MTM1: variants seen among roughly 807,000 people sequenced by gnomAD.
MTM1 encodes the protein myotubularin 1, also known as myotubularin.
A neutral mutation model predicts 52.1 loss-of-function variants in MTM1; 9 were observed. The ratio of observed to expected loss-of-function variants is 0.17; its 90% CI spans 0.10 to 0.30. The LOEUF (loss-of-function observed/expected upper bound fraction) is 0.30. Among genes scored for constraint, MTM1 ranks in the 10% least tolerant of loss-of-function variants. The pLI is 1.00. For missense variants in MTM1, 277 were observed against 470.7 expected, an observed-to-expected ratio of 0.59 and a Z score of 3.81; for synonymous variants, 136 against 163.8, an observed-to-expected ratio of 0.83 and a Z score of 1.29.
chrX:150,633,219 A>G (rs1557413624), intron 6 of MTM1, among the ~76,000 whole-genome samples: 2 of 112,498 alleles, frequency 1.8e-5, no homozygotes, highest in East Asian at 2.8e-4. Flanking sequence ...TATGAAGACA[A>G]TGATGACACA....
chrX:150,566,376 G>A (rs940701565), upstream of MTM1, among the ~76,000 whole-genome samples: 2 of 111,456 alleles, frequency 1.8e-5, no homozygotes, highest in African/African-American at 6.5e-5. Context: ...GACCTCAAGT[G>A]ATCCGCCCGC....
At chrX:150,566,738 G>A (rs781935426), upstream of MTM1, among the ~76,000 whole-genome samples, 1 of 110,727 alleles carries the variant, frequency 9.0e-6, no homozygotes, top group Admixed American at 9.7e-5. Context: ...AAAAGCTTTG[G>A]CCTCATCTTG....
intron 5 of MTM1, among the ~76,000 whole-genome samples, chrX:150,617,561 A>G (rs1385149995): frequency 8.9e-6 from 1 of 112,204 alleles, no homozygotes; most frequent in Non-Finnish European, 1.9e-5. Flanking sequence ...GGCCTAGTAG[A>G]TGTCATCTGT....
intron 6 of MTM1, among the ~76,000 whole-genome samples, chrX:150,620,067 G>A (rs1398130723): frequency 3.6e-5 from 4 of 111,845 alleles, no homozygotes; most frequent in African/African-American, 1.3e-4. Context: ...CTATATTAGA[G>A]TTTTTAATTC....
chrX:150,639,225 A>G (rs1256634053), intron 7 of MTM1, among the ~76,000 whole-genome samples, 199 bp downstream of exon 7: 2 of 112,505 alleles, frequency 1.8e-5, no homozygotes, highest in East Asian at 5.6e-4. Context: ...TTCCATTGCC[A>G]TATGCAAGCT....
chrX:150,621,721 A>G (rs1408061095), intron 6 of MTM1, among the ~76,000 whole-genome samples: 3 of 111,445 alleles, frequency 2.7e-5, no homozygotes, highest in African/African-American at 6.5e-5. Flanking sequence ...TCCAGGCCAT[A>G]TGTGTGTGCC....
At chrX:150,599,763 A>G (rs782625631) in intron 4 of MTM1, among the ~76,000 whole-genome samples, 1 of 111,919 alleles carries the variant, frequency 8.9e-6, no homozygotes, top group African/African-American at 3.2e-5. Context: ...GGACATGTAC[A>G]TGGATCAGGC....
At chrX:150,658,173 G>C in intron 11 of MTM1, 146 bp downstream of exon 11, 4 of 497,645 alleles carry the variant, frequency 8.0e-6, no homozygotes, top group Non-Finnish European at 1.4e-5. Flanking sequence ...TGATGCCTTG[G>C]GTAGTGAAAG....
chrX:150,614,324 C>T lies in MTM1; in HGVS notation c.232-265C>T, dbSNP rs782304591. On this transcript the variant is annotated intron_variant, in intron 4 of 14. Coordinates refer to ENST00000370396, the MANE Select transcript of MTM1 (RefSeq NM_000252.3). ...AACAGGCTGGAAGTGATATCACGGA[C>T]GTCCTGGAAATGTGTACCTAGGAGT... 4.5e-5 allele frequency among the ~76,000 whole-genome samples: 5 copies of T among 111,979 alleles called. No homozygotes were observed. In the South Asian group the frequency reaches 1.1e-3, roughly 25 times the overall value.
chrX:150,616,522 A>G (rs1557413146), intron 5 of MTM1, among the ~76,000 whole-genome samples: 1 of 111,915 alleles, frequency 8.9e-6, no homozygotes, highest in African/African-American at 3.2e-5. Context: ...TATGCCAGCA[A>G]TGCACATAGA....
intron 6 of MTM1, among the ~76,000 whole-genome samples, chrX:150,636,298 A>G (rs1315476913): frequency 8.9e-6 from 1 of 111,960 alleles, no homozygotes; most frequent in Non-Finnish European, 1.9e-5. Context: ...AAACATATTA[A>G]GGAAGTTAGG....
chrX:150,666,605 G>C (rs1203123468), intron 14 of MTM1, among the ~76,000 whole-genome samples: 1 of 112,118 alleles, frequency 8.9e-6, no homozygotes, highest in African/African-American at 3.2e-5. Context: ...TTGGAACAGA[G>C]TAGAGCCCAG....
intron 4 of MTM1, among the ~76,000 whole-genome samples, chrX:150,612,476 G>C (rs1229930568): frequency 9.0e-6 from 1 of 111,518 alleles, no homozygotes; most frequent in African/African-American, 3.3e-5. Context: ...AGGATTGCTT[G>C]AGCCCAGGAG....
rs77125028 is a variant in MTM1 at position 150,622,761 on chromosome X, T to G, written c.444+3622T>G. On this transcript the variant is annotated intron_variant, in intron 6 of 14. Transcript: ENST00000370396. The stretch of plus-strand genomic sequence containing the variant: ...GGCTTGAGTGATGAGGGTGGGGCAC[T>G]GTCCACAGAGTAGGGAAGTCAGAAA... Among the ~76,000 whole-genome samples, 4 of 111,257 alleles carry G rather than the reference T, an allele frequency of 3.6e-5. No homozygotes were observed. The East Asian group carries it at 8.5e-4, about 24-fold the overall frequency.
intron 11 of MTM1, among the ~76,000 whole-genome samples, chrX:150,659,046 C>T (rs782088930): frequency 2.7e-5 from 3 of 110,987 alleles, no homozygotes; most frequent in South Asian, 7.6e-4. Context: ...GTAGAAATGG[C>T]GTTTCACCAT....
upstream of MTM1, among the ~76,000 whole-genome samples, chrX:150,564,380 T>TTA (rs2038236507): frequency 3.6e-5 from 4 of 110,845 alleles, no homozygotes; most frequent in Non-Finnish European, 5.7e-5. Context: ...TTTACTATTT[T>TTA]TTATTATTAT....
intron 10 of MTM1, among the ~76,000 whole-genome samples, chrX:150,651,046 G>A (rs1447025620): frequency 1.8e-5 from 2 of 111,733 alleles, no homozygotes; most frequent in African/African-American, 6.5e-5. Context: ...GAATCTCAAA[G>A]GGAATGTTCC....
At chrX:150,636,505 A>AT (rs1557413712) in intron 6 of MTM1, among the ~76,000 whole-genome samples, 1 of 111,709 alleles carries the variant, frequency 9.0e-6, no homozygotes, top group African/African-American at 3.3e-5. Context: ...ACACATGATG[A>AT]TTTTTTCTGG....
At chrX:150,645,654 A>G (rs782569781) in intron 8 of MTM1, 29 bp from the exon 9 acceptor site, 1 of 1,195,152 alleles carries the variant, frequency 8.4e-7, no homozygotes, top group Non-Finnish European at 1.1e-6. Flanking sequence ...TGCTTTCTTG[A>G]TAGCTTAAAC....
Sources: gnomAD v4.1 joint callset for allele counts (sites outside exome capture counted in the v4.1 genomes callset) on GRCh38, gnomAD v4.1.1 for gene constraint, MANE v1.5 for transcripts, NCBI Gene and HGNC (gene_info 2026-07-23, HGNC 2026-07-21) for gene names.